The following ASTN1 variants were observed in gnomAD, a reference collection of about 807,000 sequenced individuals.
ASTN1 encodes astrotactin 1.
A neutral mutation model predicts 140.7 loss-of-function variants in ASTN1; 41 were observed. The ratio of observed to expected loss-of-function variants is 0.29; its 90% CI spans 0.23 to 0.38. The LOEUF is 0.38. Ranked by LOEUF, ASTN1 falls within the 10% of genes least tolerant of loss-of-function variation. ASTN1 has a pLI of 1.00. For synonymous variants in ASTN1, 640 were observed against 652.2 expected (o/e 0.98, Z 0.29); for missense variants, 1,479 against 1,678.8 (o/e 0.88, Z 2.08).
chr1:176,935,747 TTCTCTCTCTCTCTTTCTCTCTC>T (rs1557972220), intron 15 of ASTN1, among the ~76,000 whole-genome samples: 3 of 151,596 alleles, frequency 2.0e-5, no homozygotes, highest in Admixed American at 6.6e-5. Flanking sequence ...TAATATCTAT[TTCTCTCTCTCTCTTTCTCTCTC>T]TCTCTCTCTC....
At chr1:177,106,137 G>A (rs1415507152) in intron 1 of ASTN1, among the ~76,000 whole-genome samples, 1 of 152,168 alleles carries the variant, frequency 6.6e-6, no homozygotes, top group Non-Finnish European at 1.5e-5. Context: ...TCATCATTAT[G>A]CTATTCTTCC....
intron 1 of ASTN1, among the ~76,000 whole-genome samples, chr1:177,144,150 A>ATTTT (rs11389941): frequency 3.6e-5 from 5 of 139,594 alleles, no homozygotes; most frequent in African/African-American, 1.3e-4. Context: ...CTGGAACATG[A>ATTTT]TTTTTTTTTT....
chr1:177,071,257 T>G (rs147591533), intron 1 of ASTN1, among the ~76,000 whole-genome samples: 249 of 152,328 alleles, frequency 1.6e-3, no homozygotes, highest in South Asian at 4.8e-3. Context: ...AGGCCCATTC[T>G]AGGCTGGCAT....
At chr1:177,014,649 C>A in intron 8 of ASTN1, 142 bp downstream of exon 8, 1 of 679,714 alleles carries the variant, frequency 1.5e-6, no homozygotes, top group Non-Finnish European at 2.6e-6. Context: ...TATGGAAAGG[C>A]ATAGTGACAT....
intron 20 of ASTN1, among the ~76,000 whole-genome samples, chr1:176,879,207 T>TA (rs1668688087): frequency 6.6e-6 from 1 of 152,194 alleles, no homozygotes; most frequent in African/African-American, 2.4e-5. Context: ...TCTGAGTCCG[T>TA]AAGTCTAGGC....
chr1:176,911,872 C>T (rs573236442), intron 16 of ASTN1, among the ~76,000 whole-genome samples: 16 of 152,290 alleles, frequency 1.1e-4, no homozygotes, highest in African/African-American at 2.9e-4. Context: ...GACTTTTATA[C>T]GACTGGCAGC....
chr1:177,122,451 G>C (rs570176718), intron 1 of ASTN1, among the ~76,000 whole-genome samples: 71 of 152,298 alleles, frequency 4.7e-4, no homozygotes, highest in African/African-American at 1.6e-3. Context: ...GAATGTGGCA[G>C]TAGAGAAGAG....
chr1:176,937,712 T>TTA (rs997486118), intron 14 of ASTN1, among the ~76,000 whole-genome samples: 6 of 152,148 alleles, frequency 3.9e-5, no homozygotes, highest in Non-Finnish European at 7.4e-5. Context: ...GTGTACATAT[T>TTA]TATATATATA....
At chr1:176,873,546 G>C (rs1668436111) in intron 21 of ASTN1, among the ~76,000 whole-genome samples, 1 of 152,158 alleles carries the variant, frequency 6.6e-6, no homozygotes, top group Non-Finnish European at 1.5e-5. Flanking sequence ...ATTCCCATTT[G>C]TTATTGGATT....
At chr1:176,979,923 A>G (rs1459115293) in intron 8 of ASTN1, among the ~76,000 whole-genome samples, 12 of 152,206 alleles carry the variant, frequency 7.9e-5, no homozygotes, top group Non-Finnish European at 1.6e-4. Flanking sequence ...TAATTATAAC[A>G]CCAGCATCAA....
At chr1:176,994,398 G>T (rs1674342891) in intron 8 of ASTN1, among the ~76,000 whole-genome samples, 1 of 151,980 alleles carries the variant, frequency 6.6e-6, no homozygotes, top group African/African-American at 2.4e-5. Flanking sequence ...TCCCAGACTG[G>T]AGTGCAGTAG....
chr1:177,151,413 TG>T (rs1238909962), intron 1 of ASTN1, among the ~76,000 whole-genome samples: 4 of 151,698 alleles, frequency 2.6e-5, no homozygotes, highest in Admixed American at 2.6e-4. Context: ...GTGCAACTTT[TG>T]CCTTACTTTC....
At position 177,114,664 on chromosome 1, in the gene ASTN1, C is replaced by T. The variant is rs183073128; in HGVS notation, c.283+49730G>A. ...CTTATTTGTTTCTGTGTATGTGGTGCTGTGTGTGTGTGTGTGTTTAGTGCT... is the reference window on the plus strand; with the variant it reads ...CTTATTTGTTTCTGTGTATGTGGTGTTGTGTGTGTGTGTGTGTTTAGTGCT... On this transcript the variant is annotated intron_variant, in intron 1 of 22. Transcript: ENST00000361833. Among the ~76,000 whole-genome samples the T allele has an allele frequency of 5.9e-3, 889 of 150,872 alleles. 11 individuals are homozygous for T. The highest frequency in any genetic ancestry group is 0.021 in the African/African-American group (859 of 41,238).
chr1:176,965,072 T>C, intron 9 of ASTN1, 91 bp downstream of exon 9: 1 of 1,276,868 alleles, frequency 7.8e-7, no homozygotes, highest in Non-Finnish European at 1.1e-6. Context: ...GTTTCCTATT[T>C]TATACTTTAC....
chr1:177,076,152 G>T (rs1196317942), intron 1 of ASTN1, among the ~76,000 whole-genome samples: 6 of 151,500 alleles, frequency 4.0e-5, no homozygotes, highest in Admixed American at 2.6e-4. Context: ...GGTTGCACGA[G>T]CCTGTAGTCC....
intron 14 of ASTN1, among the ~76,000 whole-genome samples, chr1:176,937,984 G>T (rs1029483338): frequency 1.2e-4 from 18 of 152,074 alleles, no homozygotes; most frequent in Non-Finnish European, 2.6e-4. Flanking sequence ...AATCATATGG[G>T]AATAATTTTT....
chr1:177,103,139 G>A lies in ASTN1; in HGVS notation c.284-41874C>T, dbSNP rs148795820. Among the ~76,000 whole-genome samples, 3 of 152,332 alleles carry A rather than the reference G, an allele frequency of 2.0e-5. 1 individual carries two copies. In the East Asian group the frequency reaches 5.8e-4, roughly 29 times the overall value. ...AGTGCTAAGTACCATGTGAGCATTA[G>A]TGCAGAAAGCACTGAGTGATGCAAA... On this transcript the variant is annotated intron_variant, in intron 1 of 22. Coordinates refer to ENST00000361833, the MANE Select transcript of ASTN1 (RefSeq NM_004319.3).
chr1:176,917,547 C>T (rs1670541100), intron 16 of ASTN1, among the ~76,000 whole-genome samples: 1 of 152,144 alleles, frequency 6.6e-6, no homozygotes, highest in Admixed American at 6.5e-5. Flanking sequence ...TGGAGTTCTC[C>T]TGGTTTTTAG....
At chr1:176,929,106 G>A (rs562556387) in intron 16 of ASTN1, among the ~76,000 whole-genome samples, 248 of 152,344 alleles carry the variant, frequency 1.6e-3, no homozygotes, top group African/African-American at 5.9e-3. Context: ...TCATCAGAGT[G>A]GAGGGTACTT....
Sources: gnomAD v4.1 joint callset for allele counts (sites outside exome capture counted in the v4.1 genomes callset) on GRCh38, gnomAD v4.1.1 for gene constraint, MANE v1.5 for transcripts, NCBI Gene and HGNC (gene_info 2026-07-23, HGNC 2026-07-21) for gene names.